Variants in TDRD6 observed in about 807,000 individuals in gnomAD.
TDRD6 encodes tudor domain-containing protein 6.
In TDRD6, 186 loss-of-function variants were observed where a neutral mutation model predicts 157.5. The observed-to-expected ratio is 1.18, with a 90% CI of 1.05 to 1.33. TDRD6 has a LOEUF of 1.33. Among genes scored for constraint, TDRD6 ranks in the 40% most tolerant of loss-of-function variants. The probability of loss-of-function intolerance (pLI) is 0.00; values close to 1 mark genes in which losing one functional copy is unlikely to be tolerated. For synonymous variants in TDRD6, 1,075 were observed against 945.2 expected, an observed-to-expected ratio of 1.14 and a Z score of -2.52; for missense variants, 3,066 against 2,508.0, an observed-to-expected ratio of 1.22 and a Z score of -4.75.
In TDRD6 at chr6:46,693,250, C is replaced by A; in HGVS notation, c.5122C>A (p.Pro1708Thr). 1 of 1,613,542 alleles carries A rather than the reference C, an allele frequency of 6.2e-7. No individual in the cohort carries two copies. The part of the protein sequence containing the change: ...YSKTGIKSAL[P>T]YENIDSEIKQ... The stretch of plus-strand genomic sequence containing the variant: ...TAAGACTGGTATTAAAAGTGCTCTT[C>A]CCTATGAAAATATTGACTCAGAGAT... Residue 1708 changes from proline to threonine, a missense_variant, in exon 1 of 4, where the codon CCC becomes ACC. Physicochemically the swap from Pro to Thr is conservative, Grantham distance 38. Coordinates refer to ENST00000316081, the MANE Select transcript of TDRD6 (RefSeq NM_001010870.3).
In TDRD6 at chr6:46,690,782, A is replaced by G. The variant is rs1582543609; in HGVS notation, c.2654A>G (p.Tyr885Cys). ...GCACAGGCTTTTAGGTGCAGTCTTT[A>G]TAATTTAATTCAACCAGTTGGCCAG... ...VKAQAFRCSL[Y>C]NLIQPVGQNP... is the part of the protein sequence containing the mutation. The change falls in exon 1 of 4, where the codon TAT (tyrosine) becomes TGT (cysteine). Residue 885 changes from tyrosine (Y) to cysteine (C), a missense_variant. Tyr to Cys is a radical substitution (Grantham distance 194, BLOSUM62 -2). Transcript: ENST00000316081. 5 of 1,614,160 alleles carry G rather than the reference A, an allele frequency of 3.1e-6. No individual in the cohort carries two copies. Among genetic ancestry groups the G allele is most frequent in the Admixed American group, 1.7e-5 (1 of 60,030 alleles).
rs1463874185 is a variant in TDRD6, at chr6:46,703,840, A to G, written c.*1953A>G. 2.6e-5 allele frequency: 4 copies of G among 152,150 alleles called. No homozygotes were observed. Among genetic ancestry groups the G allele is most frequent in the South Asian group, 2.1e-4 (1 of 4,838 alleles). The allele number at this position is 152,150 out of a possible 1,614,324, so 9.4% of individuals were successfully genotyped here. A position where few individuals can be genotyped will look rare whatever the true frequency, so the allele number is the denominator to read the frequency against. ...GTATTCTAACTGGAATCCCTGCTAT[A>G]TGCTGTAATACCTGTGGAACCTTTC... is the stretch of plus-strand genomic sequence containing the variant. On this transcript the variant is annotated 3_prime_UTR_variant, in exon 4 of 4. Transcript: ENST00000316081.
upstream of TDRD6, among the ~76,000 whole-genome samples, chr6:46,687,215 C>T (rs927933476): frequency 1.3e-5 from 2 of 152,100 alleles, no homozygotes; most frequent in Non-Finnish European, 2.9e-5. Context: ...GATTCCATTC[C>T]TCTTGGCCTC....
At position 46,691,312 on chromosome 6, in the gene TDRD6, G is replaced by A. The variant is rs771344795; in HGVS notation, c.3184G>A (p.Val1062Ile). ...GIVIEKEPKK[V>I]FFVDFGNIYV... ...AGTAATAGAGAAAGAGCCAAAGAAA[G>A]TCTTCTTTGTTGATTTTGGGAATAT... The change falls in exon 1 of 4, where the codon GTC becomes ATC. Residue 1062 changes from valine (V) to isoleucine (I), a missense_variant. By Grantham distance (29) the Val-to-Ile change is conservative (BLOSUM62 3). Coordinates refer to ENST00000316081, the MANE Select transcript of TDRD6 (RefSeq NM_001010870.3). 1.9e-6 allele frequency: 3 copies of A among 1,613,960 alleles called. No homozygotes were observed. Among genetic ancestry groups the A allele is most frequent in the African/African-American group, 2.7e-5 (2 of 74,928 alleles).
chr6:46,693,227 A>G lies in TDRD6; in HGVS notation c.5099A>G (p.Lys1700Arg). The G allele has an allele frequency of 6.2e-7, 1 of 1,613,350 alleles. No homozygotes were observed. Among genetic ancestry groups the G allele is most frequent in the Non-Finnish European group, 8.5e-7 (1 of 1,179,796 alleles). Residue 1700 changes from lysine to arginine, a missense_variant, in exon 1 of 4, where the codon AAG (lysine) becomes AGG (arginine). Coordinates refer to ENST00000316081, the MANE Select transcript of TDRD6 (RefSeq NM_001010870.3). ...SINEKMEKYSKTGIKSALPYE... is the reference protein window; with the variant it reads ...SINEKMEKYSRTGIKSALPYE... ...AATGAGAAAATGGAGAAATATTCTAAGACTGGTATTAAAAGTGCTCTTCCC... is the reference window on the plus strand; with the variant it reads ...AATGAGAAAATGGAGAAATATTCTAGGACTGGTATTAAAAGTGCTCTTCCC...
chr6:46,684,365 TTGTGTGTGTGTG>T (rs56327636), upstream of TDRD6, among the ~76,000 whole-genome samples: 1 of 146,988 alleles, frequency 6.8e-6, no homozygotes, highest in Admixed American at 6.8e-5. Flanking sequence ...AAGCACACAT[TTGTGTGTGTGTG>T]TGTGTGTGTG....
At position 46,692,522 on chromosome 6, in the gene TDRD6, A is replaced by C. The variant is rs1439394460; in HGVS notation, c.4394A>C (p.Glu1465Ala). 5.0e-6 allele frequency: 8 copies of C among 1,613,712 alleles called. No individual in the cohort carries two copies. In the East Asian group the frequency reaches 1.6e-4, roughly 31 times the overall value. ...QDRWEVILAD[E>A]HGIIADDMIS... ...AGATGGGAAGTTATTCTTGCTGATG[A>C]ACATGGGATCATAGCAGATGATATG... The change falls in exon 1 of 4, where the codon GAA becomes GCA. Residue 1465 changes from glutamate to alanine, a missense_variant. Coordinates refer to ENST00000316081, the MANE Select transcript of TDRD6 (RefSeq NM_001010870.3).
At position 46,688,362 on chromosome 6, in the gene TDRD6, G is replaced by A. The variant is rs1390872405; in HGVS notation, c.234G>A (p.Gly78=). The change falls in exon 1 of 4, where the codon GGG becomes GGA. Residue 78 remains glycine, a synonymous_variant. Coordinates refer to ENST00000316081, the MANE Select transcript of TDRD6 (RefSeq NM_001010870.3). ...GCGAGCTGTGCCTGGTGCAGGTCGG[G>A]CTTTTGTGGCACCGCTGCCGCGTGG... ...SPGELCLVQV[G]LLWHRCRVVS... 1 of 1,533,642 alleles carries A rather than the reference G, an allele frequency of 6.5e-7. No homozygotes were observed. Among genetic ancestry groups the A allele is most frequent in the South Asian group, 1.2e-5 (1 of 83,878 alleles).
chr6:46,687,846 TC>T, upstream of TDRD6: 3 of 395,428 alleles, frequency 7.6e-6, no homozygotes, highest in Non-Finnish European at 1.3e-5. Flanking sequence ...CCGCCCACTC[TC>T]CGCGGCCGGA....
chr6:46,696,601 ATTTTTTT>A (rs1157915506), intron 2 of TDRD6, among the ~76,000 whole-genome samples: 2 of 11,538 alleles, frequency 1.7e-4, no homozygotes, highest in African/African-American at 6.9e-4. Flanking sequence ...ATATATATAT[ATTTTTTT>A]TTTTTTTTTT....
intron 3 of TDRD6, among the ~76,000 whole-genome samples, chr6:46,698,635 T>C (rs1240566036): frequency 6.6e-6 from 1 of 152,214 alleles, no homozygotes; most frequent in African/African-American, 2.4e-5. Flanking sequence ...TGGTTGGACT[T>C]CTTGAACTTC....
Position 46,703,295 on chromosome 6 carries a change from A to G in TDRD6, c.*1408A>G, listed in dbSNP as rs996429072. 8 of 152,086 alleles carry G rather than the reference A, an allele frequency of 5.3e-5. No individual in the cohort carries two copies. The highest frequency in any genetic ancestry group is 3.9e-4 in the Admixed American group (6 of 15,260). The allele number at this position is 152,086 out of a possible 1,614,324, so 9.4% of individuals were successfully genotyped here. A position where few individuals can be genotyped will look rare whatever the true frequency, so the allele number is the denominator to read the frequency against. On this transcript the variant is annotated 3_prime_UTR_variant, in exon 4 of 4. Coordinates refer to ENST00000316081, the MANE Select transcript of TDRD6 (RefSeq NM_001010870.3). ...AACCCATTATAATTTCCGTAAGTAG[A>G]AGGGAGAGAGGTTTGCATTAAAAGT...
chr6:46,698,167 T>G (rs1764542785), intron 3 of TDRD6, 80 bp downstream of exon 3: 1 of 1,024,526 alleles, frequency 9.8e-7, no homozygotes, highest in Admixed American at 2.2e-5. Flanking sequence ...ATTTCCAAAG[T>G]CCTTGTGTTT....
chr6:46,689,564 G>C lies in TDRD6; in HGVS notation c.1436G>C (p.Arg479Thr), dbSNP rs951444986. The C allele has an allele frequency of 1.5e-5, 25 of 1,614,006 alleles. No individual in the cohort carries two copies. Among genetic ancestry groups the C allele is most frequent in the Non-Finnish European group, 2.1e-5 (25 of 1,180,032 alleles). ...VDEEISLPAL[R>T]SIRLKMNAFY... ...GAAGAGATTTCACTCCCAGCCTTAA[G>C]ATCTATCAGGTTAAAGATGAATGCC... The change falls in exon 1 of 4, where the codon AGA becomes ACA. Residue 479 changes from arginine (R) to threonine (T), a missense_variant. Physicochemically the swap from Arg to Thr is moderately conservative, Grantham distance 71. Coordinates refer to ENST00000316081, the MANE Select transcript of TDRD6 (RefSeq NM_001010870.3).
chr6:46,683,461 T>C (rs1764010883), upstream of TDRD6, among the ~76,000 whole-genome samples: 1 of 151,950 alleles, frequency 6.6e-6, no homozygotes, highest in African/African-American at 2.4e-5. Context: ...TAAACTACCA[T>C]TTAGAAAAGA....
In TDRD6 at chr6:46,688,581, C is replaced by A. The variant is rs1764188698; in HGVS notation, c.453C>A (p.Pro151=). Residue 151 remains proline (P), a synonymous_variant, in exon 1 of 4, where the codon CCC becomes CCA. Coordinates refer to ENST00000316081, the MANE Select transcript of TDRD6 (RefSeq NM_001010870.3). ...AGSGEPPQHW[P]ADAVDFLSNL... ...CAGGCGAGCCGCCGCAGCACTGGCC[C>A]GCCGACGCCGTGGACTTCCTTAGCA... 1.3e-6 allele frequency: 2 copies of A among 1,597,098 alleles called. No homozygotes were observed. Among genetic ancestry groups the A allele is most frequent in the South Asian group, 1.1e-5 (1 of 90,896 alleles).
intron 3 of TDRD6, among the ~76,000 whole-genome samples, chr6:46,700,475 A>G (rs1033017025): frequency 1.3e-5 from 2 of 152,164 alleles, no homozygotes; most frequent in African/African-American, 4.8e-5. Context: ...ACTATGATCT[A>G]GGAATCTAAT....
At position 46,689,752 on chromosome 6, in the gene TDRD6, C is replaced by G. The variant is rs1339913514; in HGVS notation, c.1624C>G (p.Leu542Val). The change falls in exon 1 of 4, where the codon CTT (leucine) becomes GTT (valine). Residue 542 changes from leucine to valine, a missense_variant. Coordinates refer to ENST00000316081, the MANE Select transcript of TDRD6 (RefSeq NM_001010870.3). ...GVVLKPEPDD[L>V]CCVKWKENGY... ...AGTTTTGAAACCTGAACCTGATGAC[C>G]TTTGCTGTGTCAAGTGGAAAGAAAA... The G allele has an allele frequency of 1.2e-6, 2 of 1,614,036 alleles. No homozygotes were observed. Among genetic ancestry groups the G allele is most frequent in the Non-Finnish European group, 1.7e-6 (2 of 1,180,032 alleles).
upstream of TDRD6, chr6:46,687,780 C>G (rs1316446004): frequency 4.2e-6 from 1 of 239,790 alleles, no homozygotes; most frequent in East Asian, 1.0e-4. Context: ...TCCTGAACGT[C>G]CCAACAAGCT....
Sources: allele counts gnomAD v4.1 joint callset (sites outside exome capture counted in the v4.1 genomes callset), GRCh38; gene constraint gnomAD v4.1.1; transcripts MANE v1.5; gene names NCBI Gene and HGNC (gene_info 2026-07-23, HGNC 2026-07-21).